The following MAB21L3 variants were observed in gnomAD, a reference collection of about 807,000 sequenced individuals.
The protein encoded by MAB21L3 is protein mab-21-like 3.
MAB21L3 carries 36 observed loss-of-function variants against 37.7 expected under a neutral mutation model. That is an observed-to-expected ratio of 0.96 (90% confidence interval 0.73 to 1.26). The LOEUF (loss-of-function observed/expected upper bound fraction) is 1.26. Among genes scored for constraint, MAB21L3 ranks in the 50% most tolerant of loss-of-function variants. The probability of loss-of-function intolerance (pLI) is 0.00; values close to 1 mark genes in which losing one functional copy is unlikely to be tolerated. For missense variants in MAB21L3, 430 were observed against 447.3 expected, an observed-to-expected ratio of 0.96 and a Z score of 0.35; for synonymous variants, 186 against 176.8, an observed-to-expected ratio of 1.05 and a Z score of -0.41.
Position 116,112,469 on chromosome 1 carries a change from C to T in MAB21L3, c.-147C>T. 1.6e-6 allele frequency: 1 copy of T among 607,336 alleles called. No individual in the cohort carries two copies. The highest frequency in any genetic ancestry group is 2.7e-5 in the Admixed American group (1 of 37,674). The allele number at this position is 607,336 out of a possible 1,614,324, so 37.6% of individuals were successfully genotyped here. ...TGAGTGAAGGGTTCGGAAGGCAAGT[C>T]TCTGGTCCATTACACACTTCCAGAA... On this transcript the variant is annotated 5_prime_UTR_variant, in exon 3 of 8. Coordinates refer to ENST00000369500, the MANE Select transcript of MAB21L3 (RefSeq NM_152367.3).
chr1:116,129,945 A>G (rs1051946200), intron 7 of MAB21L3, among the ~76,000 whole-genome samples: 2 of 152,154 alleles, frequency 1.3e-5, no homozygotes, highest in Admixed American at 6.5e-5. Context: ...ACACTTCCCT[A>G]AAAACACGCA....
intron 3 of MAB21L3, among the ~76,000 whole-genome samples, chr1:116,117,180 T>C (rs1460362203): frequency 6.9e-6 from 1 of 145,456 alleles, no homozygotes; most frequent in African/African-American, 2.5e-5. Flanking sequence ...TATATATATA[T>C]ATATATATAT....
Position 116,117,475 on chromosome 1 carries a change from AC to A in MAB21L3, c.49-3456del, listed in dbSNP as rs1659626088. Reference sequence around the variant, plus strand: ...TTATTCCGGCTGGAAGATATAGCCCACTGCTGAAACCCTCTGTTGCTTTTTT... The same window carrying A: ...TTATTCCGGCTGGAAGATATAGCCCATGCTGAAACCCTCTGTTGCTTTTTT... On this transcript the variant is annotated intron_variant, in intron 3 of 7. Transcript: ENST00000369500. Among the ~76,000 whole-genome samples the A allele has an allele frequency of 3.3e-5, 5 of 151,998 alleles. No homozygotes were observed. The South Asian group carries it at 1.0e-3, about 32-fold the overall frequency.
In MAB21L3 at chr1:116,127,614, G is replaced by C. The variant is rs1009461627; in HGVS notation, c.630G>C (p.Trp210Cys). The C allele has an allele frequency of 6.2e-7, 1 of 1,613,934 alleles. No homozygotes were observed. Among genetic ancestry groups the C allele is most frequent in the South Asian group, 1.1e-5 (1 of 91,056 alleles). The change falls in exon 6 of 8, where the codon TGG becomes TGC. Residue 210 changes from tryptophan (W) to cysteine (C), a missense_variant. Physicochemically the swap from Trp to Cys is radical, Grantham distance 215. Coordinates refer to ENST00000369500, the MANE Select transcript of MAB21L3 (RefSeq NM_152367.3). ...KARWPRCLQR[W>C]PSQERVECIK... ...GGTGGCCTCGATGTCTGCAGCGCTG[G>C]CCTTCCCAAGAGAGAGTGGAGTGCA...
Position 116,124,064 on chromosome 1 carries a change from A to G in MAB21L3, c.190-2A>G. ...TTGTTTTCAATCCTTTCCTGACCCT[A>G]GGTTTTGGCTCCCAGTCAGTTCCTC... On this transcript the variant is annotated splice_acceptor_variant, in intron 4 of 7. Transcript: ENST00000369500. LOFTEE classifies it high-confidence loss of function. 1.3e-6 allele frequency: 2 copies of G among 1,594,642 alleles called. No individual in the cohort carries two copies. The highest frequency in any genetic ancestry group is 1.7e-6 in the Non-Finnish European group (2 of 1,168,120).
chr1:116,117,688 C>G (rs1659630727), intron 3 of MAB21L3, among the ~76,000 whole-genome samples: 1 of 152,162 alleles, frequency 6.6e-6, no homozygotes. Context: ...TAAACAGTCT[C>G]TCATTCCTTA....
rs1006425630 is a variant in MAB21L3, at chr1:116,111,685, A to G, written c.-335A>G. 1 of 152,040 alleles carries G rather than the reference A, an allele frequency of 6.6e-6. No individual in the cohort carries two copies. The highest frequency in any genetic ancestry group is 1.5e-5 in the Non-Finnish European group (1 of 68,002). The allele number at this position is 152,040 out of a possible 1,614,324, so 9.4% of individuals were successfully genotyped here. A position where few individuals can be genotyped will look rare whatever the true frequency, so the allele number is the denominator to read the frequency against. On this transcript the variant is annotated 5_prime_UTR_variant, in exon 2 of 8. Coordinates refer to ENST00000369500, the MANE Select transcript of MAB21L3 (RefSeq NM_152367.3). ...TTTACTGCCTGAGCTGTTTTCCAAC[A>G]TAAGTTTTGCTGGCAAAACCAGACG...
intron 6 of MAB21L3, 78 bp from the exon 7 acceptor site, chr1:116,128,067 C>T: frequency 6.9e-7 from 1 of 1,459,480 alleles, no homozygotes; most frequent in South Asian, 1.3e-5. Flanking sequence ...CCCAGACCAG[C>T]AGACTGCTTC....
At position 116,135,712 on chromosome 1, in the gene MAB21L3, T is replaced by C. The variant is rs1660187430; in HGVS notation, c.*2347T>C. The stretch of plus-strand genomic sequence containing the variant: ...TTAGACCAATATCCTTGTTGAACAT[T>C]GATGCAAAAATCCTCAGTAAAATTC... On this transcript the variant is annotated 3_prime_UTR_variant, in exon 8 of 8. Transcript: ENST00000369500. Among the ~76,000 whole-genome samples, 1 of 152,214 alleles carries C rather than the reference T, an allele frequency of 6.6e-6. No homozygotes were observed. The highest frequency in any genetic ancestry group is 2.4e-5 in the African/African-American group (1 of 41,454).
In MAB21L3 at chr1:116,134,260, C is replaced by T. The variant is rs925123527; in HGVS notation, c.*895C>T. ...GGTGTCTGTCACTGCTCAGTGTGTT[C>T]CTTTGCTCACTTCATTCACTCACTC... is the stretch of plus-strand genomic sequence containing the variant. On this transcript the variant is annotated 3_prime_UTR_variant, in exon 8 of 8. Transcript: ENST00000369500. The T allele has an allele frequency of 2.0e-5, 3 of 152,036 alleles. No homozygotes were observed. The highest frequency in any genetic ancestry group is 7.3e-5 in the African/African-American group (3 of 41,252). 9.4% of individuals were successfully genotyped at this position (152,036 alleles called of 1,614,324 possible).
chr1:116,133,351 A>T lies in MAB21L3; in HGVS notation c.1075A>T (p.Ile359Phe), dbSNP rs376630697. ...KLATFLKNPQ[I>F]GPP ...GGCCACCTTCCTGAAGAACCCCCAG[A>T]TCGGCCCGCCCTGATGGTTGCCCCG... The change falls in exon 8 of 8, where the codon ATC becomes TTC. Residue 359 changes from isoleucine to phenylalanine, a missense_variant. Coordinates refer to ENST00000369500, the MANE Select transcript of MAB21L3 (RefSeq NM_152367.3). 6.2e-7 allele frequency: 1 copy of T among 1,614,186 alleles called. No individual in the cohort carries two copies. Among genetic ancestry groups the T allele is most frequent in the Non-Finnish European group, 8.5e-7 (1 of 1,180,004 alleles).
At position 116,128,315 on chromosome 1, in the gene MAB21L3, G is replaced by C. The variant is rs149437966; in HGVS notation, c.831G>C (p.Pro277=). Residue 277 remains proline, a synonymous_variant, in exon 7 of 8, where the codon CCG becomes CCC. Transcript: ENST00000369500. The part of the protein sequence containing the change: ...KEDIWCPGNR[P]VITSHHLQTV... ...ACATCTGGTGCCCAGGGAACAGGCCGGTTATCACGTCCCACCATCTGCAGG... is the reference window on the plus strand; with the variant it reads ...ACATCTGGTGCCCAGGGAACAGGCCCGTTATCACGTCCCACCATCTGCAGG... 1 of 1,612,710 alleles carries C rather than the reference G, an allele frequency of 6.2e-7. No homozygotes were observed. The highest frequency in any genetic ancestry group is 8.5e-7 in the Non-Finnish European group (1 of 1,179,720).
intron 7 of MAB21L3, among the ~76,000 whole-genome samples, chr1:116,131,211 C>T (rs771329657): frequency 2.6e-5 from 4 of 152,182 alleles, no homozygotes; most frequent in Non-Finnish European, 4.4e-5. Context: ...ACTGTTGTCG[C>T]TGCTTCTTAT....
chr1:116,127,378 A>T, intron 5 of MAB21L3, 88 bp from the exon 6 acceptor site: 1 of 1,346,808 alleles, frequency 7.4e-7, no homozygotes, highest in Non-Finnish European at 1.0e-6. Flanking sequence ...GGTGCTGGTC[A>T]GAGCAACTGC....
At chr1:116,116,494 C>T (rs555371074) in intron 3 of MAB21L3, among the ~76,000 whole-genome samples, 48 of 152,260 alleles carry the variant, frequency 3.2e-4, no homozygotes, top group African/African-American at 1.1e-3. Context: ...CCTAGGACTC[C>T]TTATTTCATG....
At position 116,135,740 on chromosome 1, in the gene MAB21L3, G is replaced by C. The variant is rs1182588785; in HGVS notation, c.*2375G>C. ...TGCAAAAATCCTCAGTAAAATTCTG[G>C]CAAACCGAATCCAGCAGCACATCAA... On this transcript the variant is annotated 3_prime_UTR_variant, in exon 8 of 8. Transcript: ENST00000369500. Among the ~76,000 whole-genome samples the C allele has an allele frequency of 1.3e-5, 2 of 152,168 alleles. No homozygotes were observed. Among genetic ancestry groups the C allele is most frequent in the African/African-American group, 4.8e-5 (2 of 41,432 alleles).
chr1:116,120,836 A>C lies in MAB21L3; in HGVS notation c.49-96A>C, dbSNP rs551773489. On this transcript the variant is annotated intron_variant, in intron 3 of 7. Transcript: ENST00000369500. Reference sequence around the variant, plus strand: ...ATTTTTGAGCTGAACTCCCTCAGTCACCCCTTGCTGTACCCTTGTCTCCTC... The same window carrying C: ...ATTTTTGAGCTGAACTCCCTCAGTCCCCCCTTGCTGTACCCTTGTCTCCTC... The C allele has an allele frequency of 3.4e-6, 5 of 1,475,722 alleles. No individual in the cohort carries two copies. The South Asian group carries it at 6.7e-5, about 20-fold the overall frequency. 91.4% of individuals were successfully genotyped at this position (1,475,722 alleles called of 1,614,324 possible). A position where few individuals can be genotyped will look rare whatever the true frequency, so the allele number is the denominator to read the frequency against.
chr1:116,128,324 G>T lies in MAB21L3; in HGVS notation c.840G>T (p.Thr280=). The change falls in exon 7 of 8, where the codon ACG becomes ACT. Residue 280 remains threonine (T), a synonymous_variant. Transcript: ENST00000369500. ...IWCPGNRPVI[T]SHHLQTVLFW... ...GCCCAGGGAACAGGCCGGTTATCAC[G>T]TCCCACCATCTGCAGGTGAGTGTGG... 6.2e-7 allele frequency: 1 copy of T among 1,612,266 alleles called. No homozygotes were observed. The highest frequency in any genetic ancestry group is 8.5e-7 in the Non-Finnish European group (1 of 1,179,552).
In MAB21L3 at chr1:116,124,103, T is replaced by A. The variant is rs779304182; in HGVS notation, c.227T>A (p.Ile76Lys). 1 of 1,612,358 alleles carries A rather than the reference T, an allele frequency of 6.2e-7. No homozygotes were observed. Among genetic ancestry groups the A allele is most frequent in the Non-Finnish European group, 8.5e-7 (1 of 1,178,898 alleles). The change falls in exon 5 of 8, where the codon ATA becomes AAA. Residue 76 changes from isoleucine to lysine, a missense_variant. Physicochemically the swap from Ile to Lys is moderately radical, Grantham distance 102. Coordinates refer to ENST00000369500, the MANE Select transcript of MAB21L3 (RefSeq NM_152367.3). ...APSQFLVTVP[I>K]KGLAGYREAR... ...AGTCAGTTCCTCGTCACAGTCCCAA[T>A]AAAAGGCCTGGCCGGGTACAGGGAG... is the stretch of plus-strand genomic sequence containing the variant.
Sources: gnomAD v4.1 joint callset for allele counts (sites outside exome capture counted in the v4.1 genomes callset) on GRCh38, gnomAD v4.1.1 for gene constraint, MANE v1.5 for transcripts, NCBI Gene and HGNC (gene_info 2026-07-23, HGNC 2026-07-21) for gene names.